TENM2: variants seen among roughly 807,000 people sequenced by gnomAD.
TENM2 encodes teneurin-2.
In TENM2, 52 loss-of-function variants were observed where a neutral mutation model predicts 245.2. The observed-to-expected ratio is 0.21, with a 90% CI of 0.17 to 0.27. The LOEUF is 0.27. TENM2 is among the 10% of genes least tolerant of loss of function. TENM2 has a pLI of 1.00. For synonymous variants in TENM2, 1,363 were observed against 1,438.9 expected (o/e 0.95, Z 1.19); for missense variants, 3,046 against 3,666.8 (o/e 0.83, Z 4.37).
At chr5:168,016,446 T>G (rs1220822424) in intron 5 of TENM2, among the ~76,000 whole-genome samples, 1 of 152,272 alleles carries the variant, frequency 6.6e-6, no homozygotes, top group African/African-American at 2.4e-5. Context: ...GCATTCATTA[T>G]CTTCATTTTA....
At chr5:167,575,706 A>G (rs368280113) in intron 2 of TENM2, among the ~76,000 whole-genome samples, 17 of 152,272 alleles carry the variant, frequency 1.1e-4, no homozygotes, top group East Asian at 1.9e-4. Flanking sequence ...ATTTTTCCTC[A>G]TGGTTGAAAG....
intron 23 of TENM2, among the ~76,000 whole-genome samples, chr5:168,221,295 G>T (rs76901286): frequency 6.6e-6 from 1 of 151,996 alleles, no homozygotes; most frequent in Admixed American, 6.5e-5. Flanking sequence ...TTTATCTGCC[G>T]TGTTGTCACA....
At chr5:167,377,307 T>C (rs1461719404) in intron 2 of TENM2, among the ~76,000 whole-genome samples, 3 of 152,134 alleles carry the variant, frequency 2.0e-5, no homozygotes, top group Non-Finnish European at 2.9e-5. Flanking sequence ...AATAAACCCT[T>C]GATATAGTGT....
intron 2 of TENM2, among the ~76,000 whole-genome samples, chr5:167,457,926 T>C (rs747505849): frequency 2.0e-5 from 3 of 152,156 alleles, no homozygotes; most frequent in Non-Finnish European, 4.4e-5. Context: ...AACATGCATA[T>C]GCCAATAACT....
chr5:167,110,505 C>T, the TENM2 span, among the ~76,000 whole-genome samples: 5 of 152,216 alleles, frequency 3.3e-5, no homozygotes, highest in Admixed American at 2.6e-4. Context: ...AATGCTAGAA[C>T]TCAATTTAAT....
At chr5:167,030,762 G>A in the TENM2 span, among the ~76,000 whole-genome samples, 1 of 152,266 alleles carries the variant, frequency 6.6e-6, no homozygotes, top group East Asian at 1.9e-4. Context: ...GAAGAAAAGG[G>A]AAGGAGCTTC....
At chr5:167,743,375 A>T (rs891101086) in intron 2 of TENM2, among the ~76,000 whole-genome samples, 3 of 152,200 alleles carry the variant, frequency 2.0e-5, no homozygotes, top group South Asian at 2.1e-4. Flanking sequence ...TGGGCAAGAC[A>T]TCATTAGAAA....
rs1378490861 is a variant in TENM2 at position 167,878,862 on chromosome 5, T to A, written c.712+2667T>A. 2.0e-5 allele frequency among the ~76,000 whole-genome samples: 3 copies of A among 152,160 alleles called. No individual in the cohort carries two copies. The South Asian group carries it at 6.2e-4, about 32-fold the overall frequency. On this transcript the variant is annotated intron_variant, in intron 3 of 28. Transcript: ENST00000518659. ...TGTTTAGTTGGTTAATTACACAGAA[T>A]TTTTTAAATTTGTCTCTTGGCAATA... is the stretch of plus-strand genomic sequence containing the variant.
intron 7 of TENM2, chr5:168,087,424 A>G (rs796608039): frequency 1.9e-4 from 29 of 152,456 alleles, no homozygotes; most frequent in African/African-American, 6.7e-4. Context: ...TCTGGCCAAC[A>G]TAGTGAAATC....
chr5:167,662,995 C>T lies in TENM2; in HGVS notation c.503-212991C>T, dbSNP rs1476790583. Among the ~76,000 whole-genome samples the T allele has an allele frequency of 2.6e-5, 4 of 152,078 alleles. No homozygotes were observed. The East Asian group carries it at 7.7e-4, about 29-fold the overall frequency. ...TGTCTCTGATTCTCTCATATTTTAA[C>T]CTCTGTGTCTCTGTCTTCAATATTA... On this transcript the variant is annotated intron_variant, in intron 2 of 28. Transcript: ENST00000518659.
At chr5:167,240,327 G>A in the TENM2 span, among the ~76,000 whole-genome samples, 1 of 151,496 alleles carries the variant, frequency 6.6e-6, no homozygotes, top group South Asian at 2.1e-4. Flanking sequence ...TTTCTTTAGA[G>A]ATAATATTTG....
intron 20 of TENM2, 161 bp from the exon 23 acceptor site, chr5:168,214,879 T>C (rs1448129767): frequency 2.8e-6 from 2 of 707,050 alleles, no homozygotes; most frequent in Non-Finnish European, 5.1e-6. Context: ...AACCATGATG[T>C]GTTAGAACAC....
intron 9 of TENM2, among the ~76,000 whole-genome samples, chr5:168,105,492 G>A (rs151303756): frequency 9.8e-4 from 150 of 152,336 alleles, no homozygotes; most frequent in Non-Finnish European, 1.6e-3. Flanking sequence ...CTCCTGGGCC[G>A]TGAGAGACCG....
the TENM2 span, among the ~76,000 whole-genome samples, chr5:167,182,322 G>T: frequency 6.6e-6 from 1 of 151,980 alleles, no homozygotes; most frequent in Non-Finnish European, 1.5e-5. Flanking sequence ...CAGTACTTCA[G>T]TGTATCCATT....
intron 9 of TENM2, among the ~76,000 whole-genome samples, chr5:168,111,736 AT>A (rs1562172128): frequency 6.6e-6 from 1 of 152,110 alleles, no homozygotes; most frequent in Admixed American, 6.5e-5. Context: ...GAGAGAGCCC[AT>A]CCCCTCAGCC....
At chr5:167,629,999 C>T (rs568756169) in intron 2 of TENM2, among the ~76,000 whole-genome samples, 22 of 152,202 alleles carry the variant, frequency 1.4e-4, no homozygotes, top group African/African-American at 4.6e-4. Context: ...TCAGGAAATA[C>T]GTTTCAAGAC....
At chr5:167,728,266 G>C (rs1399569749) in intron 2 of TENM2, among the ~76,000 whole-genome samples, 3 of 151,986 alleles carry the variant, frequency 2.0e-5, no homozygotes, top group African/African-American at 7.3e-5. Context: ...TAGGTCCTCA[G>C]TCCTGCCTAC....
the TENM2 span, among the ~76,000 whole-genome samples, chr5:167,025,419 C>T: frequency 6.6e-6 from 1 of 152,074 alleles, no homozygotes; most frequent in African/African-American, 2.4e-5. Flanking sequence ...AGTTGTTCAT[C>T]ACACATTTAA....
intron 5 of TENM2, among the ~76,000 whole-genome samples, chr5:168,043,582 A>G (rs1192413578): frequency 6.6e-6 from 1 of 152,258 alleles, no homozygotes; most frequent in Non-Finnish European, 1.5e-5. Flanking sequence ...GATTTGCTGT[A>G]TAAAAATGCC....
Sources: gnomAD v4.1 joint callset for allele counts (sites outside exome capture counted in the v4.1 genomes callset) on GRCh38, gnomAD v4.1.1 for gene constraint, MANE v1.5 for transcripts, NCBI Gene and HGNC (gene_info 2026-07-23, HGNC 2026-07-21) for gene names.